COBL: variants seen among roughly 807,000 people sequenced by gnomAD.
COBL encodes the protein cordon-bleu WH2 repeat protein, also known as protein cordon-bleu.
In COBL, 51 loss-of-function variants were observed where a neutral mutation model predicts 98.8. The observed-to-expected ratio is 0.52, with a 90% CI of 0.41 to 0.65. COBL has a LOEUF of 0.65. Among genes scored for constraint, COBL ranks in the 30% least tolerant of loss-of-function variants. The probability of loss-of-function intolerance (pLI) is 0.00; values close to 1 mark genes in which losing one functional copy is unlikely to be tolerated. For synonymous variants in COBL, 634 were observed against 651.7 expected (o/e 0.97, Z 0.41); for missense variants, 1,617 against 1,617.5 (o/e 1.00, Z 0.01).
intron 2 of COBL, among the ~76,000 whole-genome samples, chr7:51,207,494 G>A (rs1445201678): frequency 6.6e-6 from 1 of 152,130 alleles, no homozygotes; most frequent in Non-Finnish European, 1.5e-5. Flanking sequence ...AAGCAGGACG[G>A]TACTGCTGCC....
intron 7 of COBL, chr7:51,065,420 G>A: frequency 1.4e-6 from 1 of 702,584 alleles, no homozygotes; most frequent in Admixed American, 2.0e-5. Flanking sequence ...AAGCTCAGAA[G>A]TCTTATCACA....
At chr7:51,214,316 T>TAAAG (rs1215483400) in intron 2 of COBL, among the ~76,000 whole-genome samples, 9 of 150,286 alleles carry the variant, frequency 6.0e-5, no homozygotes, top group African/African-American at 1.2e-4. Flanking sequence ...AATAAATAAA[T>TAAAG]AAAGACAATG....
intron 1 of COBL, among the ~76,000 whole-genome samples, chr7:51,290,486 C>T: frequency 6.6e-6 from 1 of 152,006 alleles, no homozygotes; most frequent in African/African-American, 2.4e-5. Flanking sequence ...GCTCAGCCTT[C>T]CTTTAAATCT....
Position 51,174,781 on chromosome 7 carries a change from T to C in COBL, c.783+9321A>G, listed in dbSNP as rs529110913. 9.2e-5 allele frequency among the ~76,000 whole-genome samples: 14 copies of C among 152,152 alleles called. No homozygotes were observed. The East Asian group carries it at 2.5e-3, about 27-fold the overall frequency. On this transcript the variant is annotated intron_variant, in intron 5 of 12. Coordinates refer to ENST00000265136, the MANE Select transcript of COBL (RefSeq NM_015198.5). Reference sequence around the variant, plus strand: ...CCCCCTTTGCCTTTAAAAACCTTCTTATAACCATGGCTGAATCTCTCCAAG... The same window carrying C: ...CCCCCTTTGCCTTTAAAAACCTTCTCATAACCATGGCTGAATCTCTCCAAG...
intron 5 of COBL, among the ~76,000 whole-genome samples, chr7:51,140,254 C>G (rs1260177951): frequency 6.6e-6 from 1 of 152,160 alleles, no homozygotes; most frequent in Non-Finnish European, 1.5e-5. Flanking sequence ...TGCTGTCATT[C>G]AATGGATAGT....
chr7:51,024,178 G>A (rs188160667), intron 12 of COBL, among the ~76,000 whole-genome samples: 18 of 152,012 alleles, frequency 1.2e-4, no homozygotes, highest in East Asian at 9.7e-4. Flanking sequence ...GCGTGGTGGC[G>A]GGCGCCTGTA....
chr7:51,059,138 G>A (rs530036788), intron 7 of COBL, among the ~76,000 whole-genome samples: 5 of 152,282 alleles, frequency 3.3e-5, no homozygotes, highest in African/African-American at 1.2e-4. Flanking sequence ...ACCCTGAACT[G>A]GAAAAACTGG....
intron 1 of COBL, among the ~76,000 whole-genome samples, chr7:51,266,955 A>T (rs1331411551): frequency 1.3e-5 from 2 of 152,186 alleles, no homozygotes; most frequent in Non-Finnish European, 2.9e-5. Flanking sequence ...TCTTAATAAC[A>T]TACGATTACA....
chr7:51,132,360 C>T (rs773986990), intron 6 of COBL, among the ~76,000 whole-genome samples: 43 of 152,332 alleles, frequency 2.8e-4, no homozygotes, highest in Non-Finnish European at 5.3e-4. Context: ...AAGCTGGGAT[C>T]GGAACCCAGG....
chr7:51,151,843 A>G (rs1182553359), intron 5 of COBL, among the ~76,000 whole-genome samples: 1 of 152,244 alleles, frequency 6.6e-6, no homozygotes, highest in African/African-American at 2.4e-5. Context: ...CAGGCTAGAC[A>G]CACAGCGTCC....
At chr7:51,127,116 T>C (rs914638925) in intron 6 of COBL, among the ~76,000 whole-genome samples, 1 of 152,134 alleles carries the variant, frequency 6.6e-6, no homozygotes, top group African/African-American at 2.4e-5. Flanking sequence ...GGGCCCTGGA[T>C]CTGTCTCAAC....
intron 5 of COBL, among the ~76,000 whole-genome samples, chr7:51,160,778 T>C (rs755523554): frequency 1.3e-5 from 2 of 152,184 alleles, no homozygotes; most frequent in Non-Finnish European, 2.9e-5. Context: ...AAAAGAACTA[T>C]GCAGATACTG....
intron 7 of COBL, chr7:51,065,091 T>G (rs1192744297): frequency 3.0e-6 from 2 of 670,044 alleles, no homozygotes; most frequent in Non-Finnish European, 5.5e-6. Context: ...GAAAACACCT[T>G]CACAGTATTC....
At chr7:51,293,525 G>C (rs184726586) in intron 1 of COBL, among the ~76,000 whole-genome samples, 1 of 152,176 alleles carries the variant, frequency 6.6e-6, no homozygotes, top group South Asian at 2.1e-4. Flanking sequence ...GTTGAGGGGC[G>C]CAGGAGAGGG....
chr7:51,088,445 G>T (rs1794497679), intron 6 of COBL, among the ~76,000 whole-genome samples: 1 of 148,758 alleles, frequency 6.7e-6, no homozygotes, highest in African/African-American at 2.5e-5. Flanking sequence ...GCCCCTTCTT[G>T]TTATGTATTT....
intron 1 of COBL, among the ~76,000 whole-genome samples, chr7:51,256,531 C>T (rs762089663): frequency 6.6e-6 from 1 of 152,222 alleles, no homozygotes; most frequent in Non-Finnish European, 1.5e-5. Flanking sequence ...CTCAGGAGTT[C>T]GGATCTCATG....
intron 4 of COBL, 33 bp from the exon 5 acceptor site, chr7:51,184,232 C>T: frequency 2.5e-6 from 3 of 1,223,878 alleles, no homozygotes; most frequent in Non-Finnish European, 3.4e-6. Flanking sequence ...TATTTTTCAG[C>T]ATCTGAAACA....
chr7:51,285,640 G>A (rs1800288077), intron 1 of COBL, among the ~76,000 whole-genome samples: 1 of 152,148 alleles, frequency 6.6e-6, no homozygotes, highest in Non-Finnish European at 1.5e-5. Flanking sequence ...TAGAAAAATG[G>A]AGAGACATAT....
chr7:51,215,758 C>T (rs1256632150), intron 2 of COBL, among the ~76,000 whole-genome samples: 2 of 152,218 alleles, frequency 1.3e-5, no homozygotes, highest in African/African-American at 4.8e-5. Flanking sequence ...AAGGCCAAGG[C>T]CATGACCTTT....
Sources: allele counts gnomAD v4.1 joint callset (sites outside exome capture counted in the v4.1 genomes callset), GRCh38; gene constraint gnomAD v4.1.1; transcripts MANE v1.5; gene names NCBI Gene and HGNC (gene_info 2026-07-23, HGNC 2026-07-21).